MCM5: variants seen among roughly 807,000 people sequenced by gnomAD.
The protein encoded by MCM5 is minichromosome maintenance complex component 5, also known as DNA replication licensing factor MCM5.
Under a neutral mutation model 79.9 loss-of-function variants are expected in MCM5, and 46 were observed. The ratio of observed to expected loss-of-function variants is 0.58; its 90% CI spans 0.45 to 0.74. The LOEUF is 0.74. Among genes scored for constraint, MCM5 ranks in the 30% least tolerant of loss-of-function variants. The probability of loss-of-function intolerance (pLI) is 0.00; values close to 1 mark genes in which losing one functional copy is unlikely to be tolerated. For synonymous variants in MCM5, 404 were observed against 390.5 expected (o/e 1.03, Z -0.41); for missense variants, 883 against 1,017.0 (o/e 0.87, Z 1.79).
At chr22:35,451,939 A>G in the MCM5 span, among the ~76,000 whole-genome samples, 3 of 152,204 alleles carry the variant, frequency 2.0e-5, no homozygotes, top group Non-Finnish European at 4.4e-5. Context: ...CCCTGGGGCA[A>G]GATCCCCTTT....
chr22:35,428,990 T>C (rs541942926), downstream of MCM5, among the ~76,000 whole-genome samples: 54 of 139,178 alleles, frequency 3.9e-4, no homozygotes, highest in African/African-American at 1.3e-3. Context: ...TTTTTTTTTT[T>C]TTTTTTTCTT....
At chr22:35,443,342 A>G in the MCM5 span, among the ~76,000 whole-genome samples, 1 of 151,960 alleles carries the variant, frequency 6.6e-6, no homozygotes, top group Non-Finnish European at 1.5e-5. Context: ...GTGCACCACC[A>G]CGCCTGGCTA....
chr22:35,403,073 G>A, intron 2 of MCM5, 134 bp from the exon 3 acceptor site: 5 of 1,064,508 alleles, frequency 4.7e-6, no homozygotes, highest in East Asian at 2.5e-5. Context: ...TTAGATGTGT[G>A]TTTGGGAAGA....
At chr22:35,421,743 T>C (rs4645814) in intron 15 of MCM5, 89 of 474,566 alleles carry the variant, frequency 1.9e-4, no homozygotes, top group African/African-American at 1.7e-3. Flanking sequence ...GGAACAACAG[T>C]TGATGCTCTG....
intron 9 of MCM5, 136 bp from the exon 10 acceptor site, chr22:35,415,693 T>G: frequency 3.2e-6 from 3 of 942,452 alleles, no homozygotes; most frequent in African/African-American, 1.6e-5. Context: ...GTTGGAGCCT[T>G]GAGTCCTATT....
intron 2 of MCM5, among the ~76,000 whole-genome samples, chr22:35,402,319 G>GTTTTGTT (rs1161449195): frequency 1.3e-5 from 2 of 150,502 alleles, no homozygotes; most frequent in African/African-American, 4.9e-5. Context: ...TTTTTTTGTT[G>GTTTTGTT]TTTTGTTTTT....
At chr22:35,424,115 G>A (rs1393314968) in intron 16 of MCM5, 39 bp from the exon 17 acceptor site, 4 of 1,391,516 alleles carry the variant, frequency 2.9e-6, no homozygotes, top group South Asian at 2.5e-5. Flanking sequence ...GAGTCCCCTC[G>A]GGCAGCACGT....
chr22:35,453,665 C>A, the MCM5 span, among the ~76,000 whole-genome samples: 1 of 149,994 alleles, frequency 6.7e-6, no homozygotes, highest in East Asian at 2.0e-4. Flanking sequence ...AGAGACAGGG[C>A]AGAGCATCAG....
chr22:35,436,540 G>A, the MCM5 span, among the ~76,000 whole-genome samples: 62 of 152,274 alleles, frequency 4.1e-4, 2 homozygotes, highest in African/African-American at 1.4e-3. Flanking sequence ...CTTTGCCAGC[G>A]CCCACTGCAC....
At chr22:35,401,732 C>T (rs1932059693) in intron 2 of MCM5, 1 of 470,666 alleles carries the variant, frequency 2.1e-6, no homozygotes, top group Non-Finnish European at 4.4e-6. Flanking sequence ...GCTTCTTGTC[C>T]TAGAGAAGCT....
the MCM5 span, among the ~76,000 whole-genome samples, chr22:35,450,820 C>T: frequency 5.3e-5 from 8 of 152,178 alleles, no homozygotes; most frequent in Non-Finnish European, 1.2e-4. Context: ...AACCCGGGTC[C>T]ATCTGACTCC....
At chr22:35,432,527 C>T in the MCM5 span, among the ~76,000 whole-genome samples, 3 of 152,198 alleles carry the variant, frequency 2.0e-5, no homozygotes, top group Non-Finnish European at 4.4e-5. Flanking sequence ...AGAGCTGCTG[C>T]GTGGAGTCTG....
At chr22:35,429,562 T>C (rs1320091467), downstream of MCM5, among the ~76,000 whole-genome samples, 1 of 151,202 alleles carries the variant, frequency 6.6e-6, no homozygotes, top group African/African-American at 2.4e-5. Context: ...TAAGATGGAG[T>C]CTTGCTCTGT....
At chr22:35,408,047 A>G (rs1432047907) in intron 5 of MCM5, among the ~76,000 whole-genome samples, 1 of 152,224 alleles carries the variant, frequency 6.6e-6, no homozygotes, top group Non-Finnish European at 1.5e-5. Flanking sequence ...CCCACTGGAA[A>G]AGATCTTGGG....
the MCM5 span, among the ~76,000 whole-genome samples, chr22:35,445,091 G>T: frequency 6.6e-6 from 1 of 152,150 alleles, no homozygotes; most frequent in Non-Finnish European, 1.5e-5. Flanking sequence ...AAAGAACATA[G>T]ACTGTGGGGT....
chr22:35,436,178 A>AG, the MCM5 span, among the ~76,000 whole-genome samples: 7 of 133,120 alleles, frequency 5.3e-5, no homozygotes, highest in African/African-American at 1.5e-4. Context: ...AAAAAAAAAA[A>AG]AAAAAGAAAA....
chr22:35,410,416 T>C (rs537566073), intron 6 of MCM5: 3 of 341,572 alleles, frequency 8.8e-6, no homozygotes, highest in South Asian at 7.2e-5. Context: ...GATGGGGCTT[T>C]TGGAGGGCTC....
chr22:35,434,142 G>A, the MCM5 span, among the ~76,000 whole-genome samples: 1 of 152,190 alleles, frequency 6.6e-6, no homozygotes, highest in African/African-American at 2.4e-5. Context: ...CAGTTGTAAT[G>A]GTGGCTTCTG....
chr22:35,431,800 C>T, the MCM5 span, among the ~76,000 whole-genome samples: 3 of 152,184 alleles, frequency 2.0e-5, no homozygotes, highest in Non-Finnish European at 2.9e-5. Context: ...CTGTTTTCTC[C>T]AGCGACCCAG....
Sources: allele counts gnomAD v4.1 joint callset (sites outside exome capture counted in the v4.1 genomes callset), GRCh38; gene constraint gnomAD v4.1.1; transcripts MANE v1.5; gene names NCBI Gene and HGNC (gene_info 2026-07-23, HGNC 2026-07-21).